The following RASSF3 variants were observed in gnomAD, a reference collection of about 807,000 sequenced individuals.
The protein encoded by RASSF3 is ras association domain-containing protein 3.
RASSF3 carries 19 observed loss-of-function variants against 19.9 expected under a neutral mutation model. The ratio of observed to expected loss-of-function variants is 0.96; its 90% confidence interval spans 0.67 to 1.40. RASSF3 has a LOEUF of 1.40. Among genes scored for constraint, RASSF3 ranks in the 40% most tolerant of loss-of-function variants. The pLI is 0.00. For missense variants in RASSF3, 306 were observed against 289.8 expected (o/e 1.06, Z -0.41); for synonymous variants, 110 against 104.2 (o/e 1.06, Z -0.34).
chr12:64,661,867 GATA>G (rs1444288608), intron 1 of RASSF3, among the ~76,000 whole-genome samples: 1 of 151,236 alleles, frequency 6.6e-6, no homozygotes, highest in Non-Finnish European at 1.5e-5. Context: ...TTTTAGTAGA[GATA>G]GGGCTTCACC....
chr12:64,570,566 A>C (rs1869501527), intron 2 of RASSF3, among the ~76,000 whole-genome samples: 1 of 152,180 alleles, frequency 6.6e-6, no homozygotes, highest in South Asian at 2.1e-4. Flanking sequence ...CTTCTTTGTC[A>C]AGCCACTGTG....
intron 2 of RASSF3, among the ~76,000 whole-genome samples, chr12:64,561,736 A>C (rs73126219): frequency 0.11 from 6,502 of 56,550 alleles, 238 homozygotes; most frequent in Non-Finnish European, 0.25. Context: ...TTTTTTTGAG[A>C]TGGAGTCTCA....
intron 2 of RASSF3, among the ~76,000 whole-genome samples, chr12:64,562,554 T>C (rs1352580788): frequency 6.6e-6 from 1 of 152,158 alleles, no homozygotes; most frequent in Non-Finnish European, 1.5e-5. Context: ...TAAATGATGC[T>C]CCTCTGCAGC....
At chr12:64,614,371 G>A (rs1422936711) in intron 1 of RASSF3, among the ~76,000 whole-genome samples, 1 of 151,998 alleles carries the variant, frequency 6.6e-6, no homozygotes, top group African/African-American at 2.4e-5. Context: ...CAGGTGATCT[G>A]CCCGCCTCGG....
chr12:64,684,343 C>T (rs1170664869), intron 1 of RASSF3, among the ~76,000 whole-genome samples: 1 of 151,808 alleles, frequency 6.6e-6, no homozygotes, highest in African/African-American at 2.4e-5. Flanking sequence ...CTTGGCCTCT[C>T]AAAGTCCTGG....
At chr12:64,541,817 C>T, downstream of RASSF3, 2 of 395,446 alleles carry the variant, frequency 5.1e-6, no homozygotes, top group Non-Finnish European at 4.5e-6. Flanking sequence ...TTCAGAGGAT[C>T]GAGCTCAGGT....
At chr12:64,691,629 A>G (rs373612198) in intron 4 of RASSF3, 50 bp downstream of exon 4, 3 of 942,200 alleles carry the variant, frequency 3.2e-6, no homozygotes, top group Non-Finnish European at 4.4e-6. Flanking sequence ...AGCTGGCCCT[A>G]TTTTATTGCA....
chr12:64,648,277 G>A (rs1339977269), intron 1 of RASSF3, among the ~76,000 whole-genome samples: 6 of 152,196 alleles, frequency 3.9e-5, no homozygotes, highest in African/African-American at 9.6e-5. Flanking sequence ...CCCGCTGGAC[G>A]ATTAGTTGGG....
At chr12:64,626,912 A>G (rs1484618831) in intron 1 of RASSF3, among the ~76,000 whole-genome samples, 2 of 152,208 alleles carry the variant, frequency 1.3e-5, no homozygotes, top group Non-Finnish European at 2.9e-5. Context: ...TGAAGGCAGT[A>G]TGTTCAGTAG....
chr12:64,651,453 G>C (rs1437987214), intron 1 of RASSF3, among the ~76,000 whole-genome samples: 1 of 152,094 alleles, frequency 6.6e-6, no homozygotes, highest in East Asian at 1.9e-4. Flanking sequence ...CCAACCTCCC[G>C]GGTTCAAGTG....
chr12:64,619,088 T>C (rs528522060), intron 1 of RASSF3, among the ~76,000 whole-genome samples: 4 of 152,252 alleles, frequency 2.6e-5, no homozygotes, highest in African/African-American at 9.6e-5. Flanking sequence ...CGCATGATAT[T>C]TTTGTTGAAC....
At chr12:64,617,555 A>G (rs987084978) in intron 1 of RASSF3, among the ~76,000 whole-genome samples, 2 of 152,142 alleles carry the variant, frequency 1.3e-5, no homozygotes, top group Non-Finnish European at 2.9e-5. Context: ...GTAAAGCTAT[A>G]CATTGATTGA....
chr12:64,511,683 C>A (rs887268531), intron 1 of RASSF3, among the ~76,000 whole-genome samples: 4 of 152,180 alleles, frequency 2.6e-5, no homozygotes, highest in Admixed American at 2.6e-4. Flanking sequence ...CTCTTCATTT[C>A]TTTTCCAAAT....
chr12:64,587,352 C>T (rs543284148), intron 2 of RASSF3, among the ~76,000 whole-genome samples: 4 of 152,016 alleles, frequency 2.6e-5, no homozygotes, highest in Non-Finnish European at 4.4e-5. Flanking sequence ...CCACTGTGCC[C>T]GGCCTCCTCT....
At chr12:64,687,449 T>G (rs1797677) in intron 2 of RASSF3, among the ~76,000 whole-genome samples, 41,928 of 150,942 alleles carry the variant, frequency 0.28, 6,491 homozygotes, top group Non-Finnish European at 0.36. Flanking sequence ...TTTGAATTTG[T>G]TTTTTTTTGT....
intron 2 of RASSF3, among the ~76,000 whole-genome samples, chr12:64,557,793 A>G (rs1869278467): frequency 6.6e-6 from 1 of 152,138 alleles, no homozygotes; most frequent in South Asian, 2.1e-4. Context: ...TTTAGAAGCC[A>G]TGCTATTGCA....
At chr12:64,655,183 T>C (rs1872111919) in intron 1 of RASSF3, among the ~76,000 whole-genome samples, 1 of 152,238 alleles carries the variant, frequency 6.6e-6, no homozygotes. Flanking sequence ...CATCAGTTTT[T>C]AGTTTAGTAT....
At chr12:64,558,792 G>A (rs549297553) in intron 2 of RASSF3, among the ~76,000 whole-genome samples, 2 of 152,236 alleles carry the variant, frequency 1.3e-5, no homozygotes, top group East Asian at 1.9e-4. Flanking sequence ...CAGTCAATGG[G>A]TTGCAGATCT....
intron 2 of RASSF3, among the ~76,000 whole-genome samples, chr12:64,547,979 C>T (rs914497335): frequency 1.3e-5 from 2 of 151,978 alleles, no homozygotes; most frequent in African/African-American, 2.4e-5. Context: ...TGTCCATTGT[C>T]TATATGTATT....
Sources: allele counts gnomAD v4.1 joint callset (sites outside exome capture counted in the v4.1 genomes callset), GRCh38; gene constraint gnomAD v4.1.1; transcripts MANE v1.5; gene names NCBI Gene and HGNC (gene_info 2026-07-23, HGNC 2026-07-21).